The following DESI2 variants were observed in gnomAD, a reference collection of about 807,000 sequenced individuals.
DESI2 encodes desumoylating isopeptidase 2, also known as deubiquitinase DESI2.
In DESI2, 10 loss-of-function variants were observed where a neutral mutation model predicts 24.1. The observed-to-expected ratio is 0.41, with a 90% confidence interval of 0.26 to 0.70. DESI2 has a LOEUF of 0.70. DESI2 is among the 30% of genes least tolerant of loss of function. The pLI, the probability that DESI2 is intolerant of heterozygous loss-of-function variation, is 0.29. For synonymous variants in DESI2, 71 were observed against 87.7 expected, an observed-to-expected ratio of 0.81 and a Z score of 1.06; for missense variants, 122 against 234.9, an observed-to-expected ratio of 0.52 and a Z score of 3.14.
intron 4 of DESI2, among the ~76,000 whole-genome samples, chr1:244,697,604 T>A (rs1393256858): frequency 1.3e-5 from 2 of 152,170 alleles, no homozygotes; most frequent in Non-Finnish European, 2.9e-5. Flanking sequence ...TTGCCTGTTA[T>A]GAAAGGTAAA....
chr1:244,653,631 G>T, intron 1 of DESI2: 2 of 521,160 alleles, frequency 3.8e-6, no homozygotes, highest in Non-Finnish European at 6.8e-6. Flanking sequence ...CCCCGGCTCT[G>T]GGCCCGACCC....
rs1253297013 is a variant in DESI2, at chr1:244,707,801, A to G, written c.*2012A>G. 1 of 152,238 alleles carries G rather than the reference A, an allele frequency of 6.6e-6. No homozygotes were observed. Among genetic ancestry groups the G allele is most frequent in the East Asian group, 1.9e-4 (1 of 5,196 alleles). 9.4% of individuals were successfully genotyped at this position (152,238 alleles called of 1,614,324 possible). A position where few individuals can be genotyped will look rare whatever the true frequency, so the allele number is the denominator to read the frequency against. On this transcript the variant is annotated 3_prime_UTR_variant, in exon 5 of 5. Coordinates refer to ENST00000302550, the MANE Select transcript of DESI2 (RefSeq NM_016076.5). ...TAACCAGAATCCAGCAAGTCAGCACACAAGTGATTTTATTGTTATTTTGTT... is the reference window on the plus strand; with the variant it reads ...TAACCAGAATCCAGCAAGTCAGCACGCAAGTGATTTTATTGTTATTTTGTT...
intron 1 of DESI2, among the ~76,000 whole-genome samples, chr1:244,663,195 CT>C (rs1400461312): frequency 6.6e-6 from 1 of 150,406 alleles, no homozygotes; most frequent in Admixed American, 6.6e-5. Flanking sequence ...TTTTTTTTTC[CT>C]TTTTTTTGAC....
intron 1 of DESI2, among the ~76,000 whole-genome samples, chr1:244,657,737 TGTAAA>T (rs1450376822): frequency 6.6e-5 from 10 of 152,248 alleles, no homozygotes; most frequent in Admixed American, 2.6e-4. Flanking sequence ...CTCTCATAAT[TGTAAA>T]GTAACTGCCA....
intron 1 of DESI2, among the ~76,000 whole-genome samples, chr1:244,677,747 T>A (rs2148796377): frequency 6.6e-6 from 1 of 152,112 alleles, no homozygotes; most frequent in South Asian, 2.1e-4. Flanking sequence ...AGACCCTGCA[T>A]CCACAAAAAT....
At chr1:244,690,572 G>T (rs965956150) in intron 3 of DESI2, among the ~76,000 whole-genome samples, 3 of 152,000 alleles carry the variant, frequency 2.0e-5, no homozygotes, top group Non-Finnish European at 4.4e-5. Context: ...AGGCATGGTG[G>T]TACATGCCTG....
At chr1:244,703,000 C>CTTTTTTTT (rs72210181) in intron 4 of DESI2, among the ~76,000 whole-genome samples, 22 of 131,600 alleles carry the variant, frequency 1.7e-4, no homozygotes, top group Non-Finnish European at 1.8e-4. Context: ...TTTGCCAGCG[C>CTTTTTTTT]TTTTTTTTTT....
Position 244,686,601 on chromosome 1 carries a change from G to A in DESI2, c.47G>A (p.Trp16Ter). The part of the protein sequence containing the change: ...LVVLNVYDMY[W>*]MNEYTSSIGI... ...TTTTCTTTCTTTTTTTCTCAGTATTGGATGAACGAATATACCTCATCCATT... is the reference window on the plus strand; with the variant it reads ...TTTTCTTTCTTTTTTTCTCAGTATTAGATGAACGAATATACCTCATCCATT... The change falls in exon 2 of 5, where the codon TGG becomes TAG. Residue 16 changes from tryptophan (W) to a stop codon, truncating the protein, a stop_gained. Transcript: ENST00000302550. LOFTEE classifies it high-confidence loss of function. The A allele has an allele frequency of 6.2e-7, 1 of 1,601,116 alleles. No homozygotes were observed. Among genetic ancestry groups the A allele is most frequent in the Non-Finnish European group, 8.6e-7 (1 of 1,168,486 alleles).
chr1:244,670,037 A>T, intron 1 of DESI2, among the ~76,000 whole-genome samples: 1 of 151,954 alleles, frequency 6.6e-6, no homozygotes, highest in African/African-American at 2.4e-5. Context: ...GCTCACTGCA[A>T]CCTCTGCCTC....
Position 244,708,402 on chromosome 1 carries a change from G to A in DESI2, c.*2613G>A, listed in dbSNP as rs150676083. The stretch of plus-strand genomic sequence containing the variant: ...GGCAGTGGTGTATGATCTTAGCCTC[G>A]TCCTGATGCCTGAATCCAGCCAGCT... On this transcript the variant is annotated 3_prime_UTR_variant, in exon 5 of 5. Coordinates refer to ENST00000302550, the MANE Select transcript of DESI2 (RefSeq NM_016076.5). 13 of 152,590 alleles carry A rather than the reference G, an allele frequency of 8.5e-5. No individual in the cohort carries two copies. The highest frequency in any genetic ancestry group is 3.1e-4 in the African/African-American group (13 of 41,522). The allele number at this position is 152,590 out of a possible 1,614,324, so 9.5% of individuals were successfully genotyped here.
At chr1:244,681,539 C>T (rs1676614754) in intron 1 of DESI2, among the ~76,000 whole-genome samples, 1 of 152,210 alleles carries the variant, frequency 6.6e-6, no homozygotes, top group Admixed American at 6.5e-5. Flanking sequence ...CACCTCAGAT[C>T]ATCAGGCATT....
At position 244,686,635 on chromosome 1, in the gene DESI2, A is replaced by G. The variant is rs151272559; in HGVS notation, c.81A>G (p.Gly27=). The G allele has an allele frequency of 8.5e-5, 137 of 1,608,926 alleles. No individual in the cohort carries two copies. Among genetic ancestry groups the G allele is most frequent in the Middle Eastern group, 4.9e-4 (3 of 6,072 alleles). The change falls in exon 2 of 5, where the codon GGA becomes GGG. Residue 27 remains glycine, a synonymous_variant. Coordinates refer to ENST00000302550, the MANE Select transcript of DESI2 (RefSeq NM_016076.5). Reference sequence around the variant, plus strand: ...AATATACCTCATCCATTGGAATTGGAGTTTTTCATTCAGGAATTGAAGTCT... The same window carrying G: ...AATATACCTCATCCATTGGAATTGGGGTTTTTCATTCAGGAATTGAAGTCT... ...MNEYTSSIGI[G]VFHSGIEVYG...
At chr1:244,680,061 G>A (rs1212936159) in intron 1 of DESI2, among the ~76,000 whole-genome samples, 3 of 143,302 alleles carry the variant, frequency 2.1e-5, no homozygotes, top group Admixed American at 7.2e-5. Context: ...GGATCCAGTC[G>A]AGGTTCATTC....
At chr1:244,685,760 T>C (rs1029987922) in intron 1 of DESI2, among the ~76,000 whole-genome samples, 1 of 152,246 alleles carries the variant, frequency 6.6e-6, no homozygotes, top group Middle Eastern at 3.2e-3. Flanking sequence ...TCCAATAGGT[T>C]TGTAACACTT....
chr1:244,667,150 TAGC>T (rs1201129615), intron 1 of DESI2, among the ~76,000 whole-genome samples: 1 of 152,112 alleles, frequency 6.6e-6, no homozygotes, highest in Non-Finnish European at 1.5e-5. Flanking sequence ...CATACCTTCT[TAGC>T]AGTCCCCTAA....
At position 244,705,899 on chromosome 1, in the gene DESI2, C is replaced by T; in HGVS notation, c.*110C>T. ...ATTTTGTATGCAAAGATGGCTCTCCCCCAAATCCCAGTTTTTCAGCTCAGG... is the reference window on the plus strand; with the variant it reads ...ATTTTGTATGCAAAGATGGCTCTCCTCCAAATCCCAGTTTTTCAGCTCAGG... On this transcript the variant is annotated 3_prime_UTR_variant, in exon 5 of 5. Transcript: ENST00000302550. The T allele has an allele frequency of 2.6e-6, 2 of 768,096 alleles. No homozygotes were observed. Among genetic ancestry groups the T allele is most frequent in the East Asian group, 2.7e-5 (1 of 36,934 alleles). 47.6% of individuals were successfully genotyped at this position (768,096 alleles called of 1,614,324 possible). A position where few individuals can be genotyped will look rare whatever the true frequency, so the allele number is the denominator to read the frequency against.
intron 1 of DESI2, among the ~76,000 whole-genome samples, chr1:244,660,334 T>C (rs1049128476): frequency 6.6e-6 from 1 of 152,052 alleles, no homozygotes; most frequent in Non-Finnish European, 1.5e-5. Context: ...CCCAGCTAGT[T>C]TTTTTGTATT....
rs1367283568 is a variant in DESI2, at chr1:244,706,813, T to C, written c.*1024T>C. On this transcript the variant is annotated 3_prime_UTR_variant, in exon 5 of 5. Transcript: ENST00000302550. The stretch of plus-strand genomic sequence containing the variant: ...TTTATGTACCATGTCAGAAAGAGTA[T>C]GTTGGCGTTTGTCATGGGACTCATT... 6.5e-6 allele frequency: 1 copy of C among 152,680 alleles called. No homozygotes were observed. The highest frequency in any genetic ancestry group is 2.4e-5 in the African/African-American group (1 of 41,474). The allele number at this position is 152,680 out of a possible 1,614,324, so 9.5% of individuals were successfully genotyped here.
intron 1 of DESI2, among the ~76,000 whole-genome samples, chr1:244,658,757 C>CAAAGCTAAA (rs1185145079): frequency 7.9e-5 from 12 of 152,208 alleles, no homozygotes; most frequent in African/African-American, 2.6e-4. Context: ...TGCTTAAGTG[C>CAAAGCTAAA]ATTGCTAGAT....
Sources: allele counts gnomAD v4.1 joint callset (sites outside exome capture counted in the v4.1 genomes callset), GRCh38; gene constraint gnomAD v4.1.1; transcripts MANE v1.5; gene names NCBI Gene and HGNC (gene_info 2026-07-23, HGNC 2026-07-21).